SEPTIN4: variants seen among roughly 807,000 people sequenced by gnomAD.
SEPTIN4 encodes the protein septin-4.
In SEPTIN4, 52 loss-of-function variants were observed where a neutral mutation model predicts 107.1. That is an observed-to-expected ratio of 0.49 (90% CI 0.39 to 0.61). The LOEUF (loss-of-function observed/expected upper bound fraction) is 0.61. Ranked by LOEUF, SEPTIN4 falls within the 20% of genes least tolerant of loss-of-function variation. The pLI, the probability that SEPTIN4 is intolerant of heterozygous loss-of-function variation, is 0.00. For missense variants in SEPTIN4, 1,048 were observed against 1,243.5 expected (o/e 0.84, Z 2.36); for synonymous variants, 417 against 467.0 (o/e 0.89, Z 1.38).
In SEPTIN4 at chr17:58,540,687, G is replaced by A. The variant is rs890989208; in HGVS notation, c.1607-14C>T. 42 of 1,347,716 alleles carry A rather than the reference G, an allele frequency of 3.1e-5. No homozygotes were observed. The highest frequency in any genetic ancestry group is 3.8e-4 in the Middle Eastern group (2 of 5,250). 83.5% of individuals were successfully genotyped at this position (1,347,716 alleles called of 1,614,324 possible). ...TTACCTCCTCATCTGTCATAACAGA[G>A]TAGAAGCCAGGCATTCCCAGGGGGC... is the stretch of plus-strand genomic sequence containing the variant. On this transcript the variant is annotated splice_polypyrimidine_tract_variant and intron_variant, in intron 2 of 13. Transcript: ENST00000672673.
rs34156939 is a variant in SEPTIN4, at chr17:58,537,829, C to CAAA, written c.1614+2834_1614+2836dup. ...TGGGTGACAGAGCGAGACTCTGTCT[C>CAAA]AAAAAAAAAAAAAAAAAAAGCCTCC... On this transcript the variant is annotated intron_variant, in intron 3 of 13. Coordinates refer to ENST00000672673, the MANE Select transcript of SEPTIN4 (RefSeq NM_001368771.2). 4.5e-3 allele frequency among the ~76,000 whole-genome samples: 269 copies of CAAA among 60,222 alleles called. 6 individuals carry two copies. Among genetic ancestry groups the CAAA allele is most frequent in the Middle Eastern group, 9.4e-3 (1 of 106 alleles). The allele number at this position is 60,222 out of a possible 152,430, so 39.5% of individuals were successfully genotyped here.
intron 6 of SEPTIN4, 43 bp downstream of exon 6, chr17:58,525,652 T>C (rs1192851633): frequency 6.4e-7 from 1 of 1,569,924 alleles, no homozygotes; most frequent in East Asian, 2.2e-5. Flanking sequence ...GTGAGTTTAA[T>C]TTCCCAAGGC....
intron 5 of SEPTIN4, 69 bp from the exon 6 acceptor site, chr17:58,525,850 G>T: frequency 7.5e-7 from 1 of 1,333,526 alleles, no homozygotes; most frequent in Admixed American, 1.8e-5. Context: ...AACTCCACTG[G>T]ATCAAGGTTT....
At chr17:58,526,451 A>C in intron 4 of SEPTIN4, 138 bp from the exon 5 acceptor site, 7 of 1,387,204 alleles carry the variant, frequency 5.0e-6, no homozygotes, top group Non-Finnish European at 6.5e-6. Flanking sequence ...TTCCCATCTG[A>C]GGCCACCAGC....
chr17:58,526,471 T>G, intron 4 of SEPTIN4, 158 bp from the exon 5 acceptor site: 1 of 1,393,878 alleles, frequency 7.2e-7, no homozygotes, highest in Non-Finnish European at 9.3e-7. Context: ...CTGGGCCTCC[T>G]GCCCTTGCTG....
chr17:58,544,045 G>T lies in SEPTIN4; in HGVS notation c.142C>A (p.Pro48Thr). 1 of 1,614,134 alleles carries T rather than the reference G, an allele frequency of 6.2e-7. No homozygotes were observed. The highest frequency in any genetic ancestry group is 8.5e-7 in the Non-Finnish European group (1 of 1,180,046). ...SHRSAAVSLNPSHRRSEAAHP... is the reference protein window; with the variant it reads ...SHRSAAVSLNTSHRRSEAAHP... ...GCAGCTTCTGATCTTCGGTGGGAAGGGTTCAGGGAGACTGCAGCACTTCGA... is the reference window on the plus strand; with the variant it reads ...GCAGCTTCTGATCTTCGGTGGGAAGTGTTCAGGGAGACTGCAGCACTTCGA... Residue 48 changes from proline to threonine, a missense_variant, in exon 1 of 14, where the codon CCT becomes ACT. Transcript: ENST00000672673.
rs561536245 is a variant in SEPTIN4, at chr17:58,543,519, G to A, written c.668C>T (p.Ser223Phe). 6 of 1,614,074 alleles carry A rather than the reference G, an allele frequency of 3.7e-6. No individual in the cohort carries two copies. The highest frequency in any genetic ancestry group is 5.1e-6 in the Non-Finnish European group (6 of 1,180,044). The change falls in exon 1 of 14, where the codon TCT (serine) becomes TTT (phenylalanine). Residue 223 changes from serine to phenylalanine, a missense_variant. Ser to Phe is a radical substitution (Grantham distance 155, BLOSUM62 -2). Coordinates refer to ENST00000672673, the MANE Select transcript of SEPTIN4 (RefSeq NM_001368771.2). Reference protein sequence around the residue: ...TSEIRSPRSPSLLEHGSSCVS... With the variant: ...TSEIRSPRSPFLLEHGSSCVS... ...ACAGCTGCTTCCGTGCTCTAGGAGA[G>A]AGGGACTCCTTGGAGATCTGATCTC...
intron 2 of SEPTIN4, 38 bp from the exon 3 acceptor site, chr17:58,540,711 G>T (rs2043857011): frequency 7.5e-7 from 1 of 1,331,628 alleles, no homozygotes; most frequent in East Asian, 3.1e-5. Flanking sequence ...TTCCCAGGGG[G>T]CAGCAAATGG....
Position 58,521,276 on chromosome 17 carries a change from G to C in SEPTIN4, c.2646C>G (p.Leu882=), listed in dbSNP as rs748481139. 9 of 1,614,116 alleles carry C rather than the reference G, an allele frequency of 5.6e-6. No homozygotes were observed. Among genetic ancestry groups the C allele is most frequent in the Non-Finnish European group, 7.6e-6 (9 of 1,180,050 alleles). The change falls in exon 11 of 14, where the codon CTC becomes CTG. Residue 882 remains leucine (L), a synonymous_variant. Transcript: ENST00000672673. The surrounding 1 kb of genome is among the most constrained non-coding windows in gnomAD (Gnocchi z 6.4). ...TACCTTCCACGATGCCCCAGGGGTA[G>C]AGTCGACCCCGAACTCGCCGCCCTC... ...EARGRRVRGR[L]YPWGIVEVEN...
chr17:58,521,194 T>G lies in SEPTIN4; in HGVS notation c.2669-34A>C. 6.2e-7 allele frequency: 1 copy of G among 1,614,124 alleles called. No homozygotes were observed. The highest frequency in any genetic ancestry group is 8.5e-7 in the Non-Finnish European group (1 of 1,179,988). ...CAAGGCTAGGGGTCAGCCAGAGGCATAGGTAGGGGAGAGCCACTGAGGGCA... is the reference window on the plus strand; with the variant it reads ...CAAGGCTAGGGGTCAGCCAGAGGCAGAGGTAGGGGAGAGCCACTGAGGGCA... On this transcript the variant is annotated intron_variant, in intron 11 of 13. Coordinates refer to ENST00000672673, the MANE Select transcript of SEPTIN4 (RefSeq NM_001368771.2). The surrounding 1 kb of genome is among the most constrained non-coding windows in gnomAD (Gnocchi z 6.4).
chr17:58,521,897 C>T lies in SEPTIN4; in HGVS notation c.2352-44G>A, dbSNP rs1419170366. 1 of 1,614,102 alleles carries T rather than the reference C, an allele frequency of 6.2e-7. No homozygotes were observed. Among genetic ancestry groups the T allele is most frequent in the South Asian group, 1.1e-5 (1 of 91,094 alleles). On this transcript the variant is annotated intron_variant, in intron 8 of 13. Transcript: ENST00000672673. The surrounding 1 kb of genome is among the most constrained non-coding windows in gnomAD (Gnocchi z 6.4). The stretch of plus-strand genomic sequence containing the variant: ...TGACCACCTGCTAGTGGCAGCCCTG[C>T]CCCTGGTGCTCTTGGCCTGTTCCCT...
In SEPTIN4 at chr17:58,521,404, C is replaced by G. The variant is rs1248554059; in HGVS notation, c.2572-54G>C. Reference sequence around the variant, plus strand: ...ACCCTCTGTTCTCACCTCTTTCTTTCCACCTGTATCGTCATCTTCTCTGCT... The same window carrying G: ...ACCCTCTGTTCTCACCTCTTTCTTTGCACCTGTATCGTCATCTTCTCTGCT... On this transcript the variant is annotated intron_variant, in intron 10 of 13. Coordinates refer to ENST00000672673, the MANE Select transcript of SEPTIN4 (RefSeq NM_001368771.2). The surrounding 1 kb of genome is among the most constrained non-coding windows in gnomAD (Gnocchi z 6.4). The G allele has an allele frequency of 1.3e-6, 2 of 1,585,388 alleles. No individual in the cohort carries two copies. Among genetic ancestry groups the G allele is most frequent in the Non-Finnish European group, 8.7e-7 (1 of 1,154,006 alleles).
At chr17:58,525,433 T>C (rs1300679109) in intron 6 of SEPTIN4, 1 of 622,032 alleles carries the variant, frequency 1.6e-6, no homozygotes, top group Non-Finnish European at 2.8e-6. Context: ...CTGCTCCCGG[T>C]TTTTTTCTTG....
Position 58,525,084 on chromosome 17 carries a change from GTGT to G in SEPTIN4, c.2207_2209del (p.Asn736del). On this transcript the variant is annotated inframe_deletion, in exon 7 of 14. Transcript: ENST00000672673. ...TGTGCTTACTCAGACATACCACTCT[GTGT>G]TGTTGACTGCATCCCCAAAACCTGG... 1 of 1,614,188 alleles carries G rather than the reference GTGT, an allele frequency of 6.2e-7. No homozygotes were observed. Among genetic ancestry groups the G allele is most frequent in the South Asian group, 1.1e-5 (1 of 91,080 alleles).
Position 58,521,705 on chromosome 17 carries a change from C to T in SEPTIN4, c.2469+31G>A. ...GACCACATCCTTTCTAGAAGCCCAC[C>T]TGATCCCCTCCCACCACCAGCTTCC... On this transcript the variant is annotated intron_variant, in intron 9 of 13. Coordinates refer to ENST00000672673, the MANE Select transcript of SEPTIN4 (RefSeq NM_001368771.2). The surrounding 1 kb of genome is among the most constrained non-coding windows in gnomAD (Gnocchi z 6.4). 1 of 1,614,246 alleles carries T rather than the reference C, an allele frequency of 6.2e-7. No homozygotes were observed. The highest frequency in any genetic ancestry group is 8.5e-7 in the Non-Finnish European group (1 of 1,180,044).
intron 4 of SEPTIN4, 90 bp from the exon 5 acceptor site, chr17:58,526,403 GC>G: frequency 1.4e-6 from 2 of 1,383,630 alleles, no homozygotes; most frequent in South Asian, 1.8e-5. Flanking sequence ...TCAGGCCTTT[GC>G]CCCAGCCTTA....
At position 58,526,267 on chromosome 17, in the gene SEPTIN4, T is replaced by C. The variant is rs745468590; in HGVS notation, c.1958A>G (p.His653Arg). The C allele has an allele frequency of 5.6e-6, 9 of 1,604,104 alleles. No homozygotes were observed. The Admixed American group carries it at 1.2e-4, about 21-fold the overall frequency. Residue 653 changes from histidine to arginine, a missense_variant, in exon 5 of 14, where the codon CAC becomes CGC. Physicochemically the swap from His to Arg is conservative, Grantham distance 29. Around this residue, in one of 2 missense-constraint regions of SEPTIN4, gnomAD observed 787 missense variants for 871.8 expected, o/e 0.90. Coordinates refer to ENST00000672673, the MANE Select transcript of SEPTIN4 (RefSeq NM_001368771.2). ...AAAGCCTTTCTTCACGGACTTTCGG[T>C]GGACTTGGTTGGGGAGGGTTGCAAA... ...VGFATLPNQV[H>R]RKSVKKGFDF...
Position 58,521,584 on chromosome 17 carries a change from A to C in SEPTIN4, c.2532T>G (p.Asp844Glu). 6.2e-7 allele frequency: 1 copy of C among 1,614,246 alleles called. No homozygotes were observed. Among genetic ancestry groups the C allele is most frequent in the Non-Finnish European group, 8.5e-7 (1 of 1,180,042 alleles). ...KIYQFPDCDSDEDEDFKLQDQ... is the reference protein window; with the variant it reads ...KIYQFPDCDSEEDEDFKLQDQ... The stretch of plus-strand genomic sequence containing the variant: ...CCTGCAATTTGAAGTCCTCATCCTC[A>C]TCAGAGTCACAGTCTGGGAATTGAT... The change falls in exon 10 of 14, where the codon GAT becomes GAG. Residue 844 changes from aspartate to glutamate, a missense_variant. Coordinates refer to ENST00000672673, the MANE Select transcript of SEPTIN4 (RefSeq NM_001368771.2). This position sits in a 1 kb window ranked among gnomAD's most constrained non-coding sequence, Gnocchi z 6.4.
At chr17:58,527,746 AAG>A (rs1370586779) in intron 3 of SEPTIN4, 19 of 740,796 alleles carry the variant, frequency 2.6e-5, no homozygotes, top group Non-Finnish European at 8.2e-6. Context: ...GAGCCTGGGA[AAG>A]GCTGGGCCTC....
Sources: gnomAD v4.1 joint callset for allele counts (sites outside exome capture counted in the v4.1 genomes callset) on GRCh38, gnomAD v4.1.1 for gene constraint, gnomAD v4.1.1 regional missense constraint, Gnocchi (gnomAD v3.1) non-coding constraint, MANE v1.5 for transcripts, NCBI Gene and HGNC (gene_info 2026-07-23, HGNC 2026-07-21) for gene names.